SMN1: variants seen among roughly 807,000 people sequenced by gnomAD.
The protein encoded by SMN1 is survival motor neuron protein.
For synonymous variants in SMN1, 3 were observed against 5.1 expected (o/e 0.58, Z 0.56); for missense variants, 15 against 17.1 (o/e 0.88, Z 0.22).
intron 7 of SMN1, among the ~76,000 whole-genome samples, chr5:70,950,304 C>G (rs1749652103): frequency 6.8e-6 from 1 of 147,240 alleles, no homozygotes; most frequent in Admixed American, 6.8e-5. Flanking sequence ...GTAATCCCAG[C>G]TACTTGGGAG....
chr5:70,925,121 C>T lies in SMN1; in HGVS notation c.18C>T (p.Gly6=). 4.2e-5 allele frequency: 2 copies of T among 48,050 alleles called. No homozygotes were observed. The highest frequency in any genetic ancestry group is 2.0e-4 in the African/African-American group (1 of 4,998). 3.0% of individuals were successfully genotyped at this position (48,050 alleles called of 1,614,324 possible). The change falls in exon 1 of 9, where the codon GGC becomes GGT. Residue 6 remains glycine, a synonymous_variant. Coordinates refer to ENST00000380707, the MANE Select transcript of SMN1 (RefSeq NM_000344.4). The part of the protein sequence containing the change: MAMSS[G]GSGGGVPEQE... Reference sequence around the variant, plus strand: ...GGTTTGCTATGGCGATGAGCAGCGGCGGCAGTGGTGGCGGCGTCCCGGAGC... The same window carrying T: ...GGTTTGCTATGGCGATGAGCAGCGGTGGCAGTGGTGGCGGCGTCCCGGAGC...
intron 7 of SMN1, among the ~76,000 whole-genome samples, chr5:70,950,788 G>A (rs1203656680): frequency 2.1e-5 from 3 of 145,822 alleles, no homozygotes; most frequent in Admixed American, 1.4e-4. Context: ...ACAGGTGCCC[G>A]CCACCACACC....
chr5:70,955,214 CA>C (rs1167729048), downstream of SMN1, among the ~76,000 whole-genome samples: 38 of 107,874 alleles, frequency 3.5e-4, no homozygotes, highest in Middle Eastern at 4.6e-3. Context: ...GACCCTGTCT[CA>C]AAAAAAAAAA....
chr5:70,959,183 A>G, the SMN1 span, among the ~76,000 whole-genome samples: 46 of 147,842 alleles, frequency 3.1e-4, no homozygotes, highest in African/African-American at 1.1e-3. Context: ...GCATGTTCTC[A>G]CTCATAGGTG....
At chr5:70,952,093 A>T (rs1032028272) in intron 8 of SMN1, 99 bp downstream of exon 8, 142 of 1,590,536 alleles carry the variant, frequency 8.9e-5, no homozygotes, top group Middle Eastern at 8.4e-4. Context: ...TTCAGATGTT[A>T]AAAAGTTGAA....
chr5:70,955,748 A>G (rs1336835519), downstream of SMN1, among the ~76,000 whole-genome samples: 1 of 148,224 alleles, frequency 6.7e-6, no homozygotes, highest in African/African-American at 2.5e-5. Flanking sequence ...TCATGCCACT[A>G]CACTCCAGCC....
chr5:70,953,207 A>T (rs1374801593), downstream of SMN1: 1 of 89,700 alleles, frequency 1.1e-5, no homozygotes, highest in African/African-American at 3.0e-5. Context: ...CCCACGCTGG[A>T]GTGCAGTGGT....
chr5:70,961,088 C>T, the SMN1 span, among the ~76,000 whole-genome samples: 1 of 64,080 alleles, frequency 1.6e-5, no homozygotes, highest in African/African-American at 4.9e-5. Context: ...CAAAGGCTTA[C>T]AAGAACCTAA....
the SMN1 span, among the ~76,000 whole-genome samples, chr5:70,963,878 CTTTTTTTTTT>C: frequency 4.3e-5 from 3 of 69,296 alleles, no homozygotes; most frequent in Admixed American, 1.6e-4. Context: ...AAGTTTCAAA[CTTTTTTTTTT>C]TTTTTTTTTT....
chr5:70,958,495 G>A (rs1165565163), downstream of SMN1, among the ~76,000 whole-genome samples: 1 of 27,936 alleles, frequency 3.6e-5, no homozygotes, highest in Non-Finnish European at 8.7e-5. Flanking sequence ...ATGTGTCCCA[G>A]AAATTCTGGT....
chr5:70,955,291 G>A (rs62372678), downstream of SMN1, among the ~76,000 whole-genome samples: 4 of 141,842 alleles, frequency 2.8e-5, no homozygotes, highest in Non-Finnish European at 6.1e-5. Flanking sequence ...TTTTTTTTTG[G>A]TAGTGACATG....
At chr5:70,951,099 A>T (rs1359256802) in intron 7 of SMN1, among the ~76,000 whole-genome samples, 1 of 151,678 alleles carries the variant, frequency 6.6e-6, no homozygotes, top group Admixed American at 6.6e-5. Flanking sequence ...TTAAATTTAA[A>T]TTTTATTTTT....
chr5:70,951,948 G>T lies in SMN1; in HGVS notation c.842G>T (p.Arg281Ile), dbSNP rs1561503124. 1 of 1,612,792 alleles carries T rather than the reference G, an allele frequency of 6.2e-7. No individual in the cohort carries two copies. Among genetic ancestry groups the T allele is most frequent in the Admixed American group, 1.7e-5 (1 of 59,896 alleles). Reference sequence around the variant, plus strand: ...CCTTTATTTTCCTTACAGGGTTTCAGACAAAATCAAAAAGAAGGAAGGTGC... The same window carrying T: ...CCTTTATTTTCCTTACAGGGTTTCATACAAAATCAAAAAGAAGGAAGGTGC... ...GYHTGYYMGF[R>I]QNQKEGRCSH... Residue 281 changes from arginine (R) to isoleucine (I), a missense_variant, in exon 8 of 9, where the codon AGA (arginine) becomes ATA (isoleucine). Transcript: ENST00000380707.
At position 70,952,169 on chromosome 5, in the gene SMN1, C is replaced by G. The variant is rs1347321223; in HGVS notation, c.*3+175C>G. ...CAAAACTATTAGATAAAAGGTTAAT[C>G]TACATCCCTACTAGAATTCTCATAC... On this transcript the variant is annotated intron_variant, in intron 8 of 8. Coordinates refer to ENST00000380707, the MANE Select transcript of SMN1 (RefSeq NM_000344.4). The G allele has an allele frequency of 4.8e-6, 7 of 1,470,804 alleles. No homozygotes were observed. In the Admixed American group the frequency reaches 1.5e-4, roughly 32 times the overall value. 91.1% of individuals were successfully genotyped at this position (1,470,804 alleles called of 1,614,324 possible).
the SMN1 span, among the ~76,000 whole-genome samples, chr5:70,961,056 T>C: frequency 1.4e-5 from 1 of 73,704 alleles, no homozygotes; most frequent in Non-Finnish European, 2.9e-5. Context: ...CTTACGTATT[T>C]ATAAGTTGGT....
intron 8 of SMN1, 83 bp from the exon 9 acceptor site, chr5:70,952,355 TC>T: frequency 8.7e-7 from 1 of 1,146,914 alleles, no homozygotes; most frequent in Non-Finnish European, 1.2e-6. Flanking sequence ...TATGAAGTGC[TC>T]TAGTCAAGTT....
intron 7 of SMN1, 136 bp from the exon 8 acceptor site, chr5:70,951,805 A>G (rs1749757335): frequency 1.6e-6 from 1 of 625,962 alleles, no homozygotes; most frequent in African/African-American, 1.8e-5. Context: ...TTAATTTCTG[A>G]TCATATTTTG....
downstream of SMN1, among the ~76,000 whole-genome samples, chr5:70,956,584 A>T (rs1258949094): frequency 6.8e-6 from 1 of 147,588 alleles, no homozygotes; most frequent in Non-Finnish European, 1.5e-5. Flanking sequence ...TCCTTTCCCC[A>T]TTGCTTGTTT....
chr5:70,950,882 A>C (rs1580893396), intron 7 of SMN1, among the ~76,000 whole-genome samples: 1 of 146,566 alleles, frequency 6.8e-6, no homozygotes, highest in Non-Finnish European at 1.5e-5. Flanking sequence ...CTTTTGATCC[A>C]CCCGCCTCAG....
Sources: allele counts gnomAD v4.1 joint callset (sites outside exome capture counted in the v4.1 genomes callset), GRCh38; gene constraint gnomAD v4.1.1; transcripts MANE v1.5; gene names NCBI Gene and HGNC (gene_info 2026-07-23, HGNC 2026-07-21).